Variants in DAB1 observed in about 807,000 individuals in gnomAD.
The protein encoded by DAB1 is disabled homolog 1.
DAB1 carries 15 observed loss-of-function variants against 64.6 expected under a neutral mutation model. That is an observed-to-expected ratio of 0.23 (90% CI 0.16 to 0.36). DAB1 has a LOEUF of 0.36. Ranked by LOEUF, DAB1 falls within the 10% of genes least tolerant of loss-of-function variation. The pLI, the probability that DAB1 is intolerant of heterozygous loss-of-function variation, is 1.00. For missense variants in DAB1, 596 were observed against 706.7 expected, an observed-to-expected ratio of 0.84 and a Z score of 1.78; for synonymous variants, 235 against 251.9, an observed-to-expected ratio of 0.93 and a Z score of 0.64.
At chr1:57,715,747 A>G (rs1557439657) in intron 6 of DAB1, among the ~76,000 whole-genome samples, 1 of 152,168 alleles carries the variant, frequency 6.6e-6, no homozygotes, top group Non-Finnish European at 1.5e-5. Context: ...AAGAATCCCT[A>G]CAATTAAAAC....
intron 2 of DAB1, among the ~76,000 whole-genome samples, chr1:57,245,148 A>G (rs181417317): frequency 2.2e-3 from 331 of 152,300 alleles, no homozygotes; most frequent in Non-Finnish European, 2.9e-3. Context: ...GGAGATGAAG[A>G]ACTTATTGGG....
At chr1:58,474,856 TAA>T (rs1218561570) in intron 3 of DAB1, among the ~76,000 whole-genome samples, 2 of 152,190 alleles carry the variant, frequency 1.3e-5, no homozygotes, top group African/African-American at 4.8e-5. Context: ...GTGACCTCGG[TAA>T]AGTTACACAG....
chr1:57,305,381 C>A (rs867541484), intron 1 of DAB1, among the ~76,000 whole-genome samples: 2 of 152,066 alleles, frequency 1.3e-5, no homozygotes, highest in Non-Finnish European at 2.9e-5. Context: ...TTTTTCTCCT[C>A]AGCCTCCTGC....
chr1:58,349,571 C>T (rs4912332), intron 3 of DAB1, among the ~76,000 whole-genome samples: 75,680 of 151,636 alleles, frequency 0.5, 18,865 homozygotes, highest in East Asian at 0.59. Context: ...AACCCTTCAT[C>T]TACATTAGGC....
intron 4 of DAB1, among the ~76,000 whole-genome samples, chr1:58,158,296 CA>C (rs1180262887): frequency 2.0e-5 from 3 of 152,028 alleles, no homozygotes; most frequent in African/African-American, 4.8e-5. Flanking sequence ...GTTCAGAGCC[CA>C]GGGGGGAAAG....
chr1:57,063,162 T>A (rs1650569420), intron 8 of DAB1, among the ~76,000 whole-genome samples: 1 of 151,934 alleles, frequency 6.6e-6, no homozygotes, highest in Non-Finnish European at 1.5e-5. Context: ...TTAACAAAGG[T>A]TTATAGGTCG....
chr1:57,825,115 T>G (rs74072799), downstream of DAB1, among the ~76,000 whole-genome samples: 1,773 of 152,320 alleles, frequency 0.012, 31 homozygotes, highest in African/African-American at 0.039. Context: ...CCAGTTTCAT[T>G]GAAGATCTTT....
chr1:57,276,341 G>GGA (rs1411791005), intron 2 of DAB1, among the ~76,000 whole-genome samples: 1 of 152,218 alleles, frequency 6.6e-6, no homozygotes, highest in African/African-American at 2.4e-5. Flanking sequence ...GTGAGCAGGA[G>GGA]GAGAAACTGC....
At chr1:57,740,092 T>C (rs1647912280) in intron 6 of DAB1, among the ~76,000 whole-genome samples, 1 of 150,572 alleles carries the variant, frequency 6.6e-6, no homozygotes, top group African/African-American at 2.4e-5. Context: ...CATGCACTTG[T>C]AGTCCCAGCT....
chr1:58,171,517 T>C (rs1451758708), intron 4 of DAB1, among the ~76,000 whole-genome samples: 4 of 152,218 alleles, frequency 2.6e-5, no homozygotes, highest in Non-Finnish European at 1.5e-5. Context: ...TCAACCCCTA[T>C]ACCCTGCTCT....
Position 57,148,732 on chromosome 1 carries a change from T to G in DAB1, c.68-3303A>C, listed in dbSNP as rs549220242. Among the ~76,000 whole-genome samples the G allele has an allele frequency of 2.0e-5, 3 of 152,350 alleles. No homozygotes were observed. In the South Asian group the frequency reaches 6.2e-4, roughly 32 times the overall value. On this transcript the variant is annotated intron_variant, in intron 2 of 14. Coordinates refer to ENST00000371236, the MANE Select transcript of DAB1 (RefSeq NM_001365792.1). ...AAGGGTTTCACACGCAATTTCTCAT[T>G]TAATCTTCACATTTGCTCTTGAGTT...
chr1:58,469,444 T>C (rs1160855050), intron 3 of DAB1, among the ~76,000 whole-genome samples: 1 of 152,106 alleles, frequency 6.6e-6, no homozygotes, highest in East Asian at 1.9e-4. Context: ...ACTATGACAT[T>C]ATTAGGGGAA....
chr1:57,809,658 C>T (rs1361636369), intron 6 of DAB1, among the ~76,000 whole-genome samples: 2 of 152,134 alleles, frequency 1.3e-5, no homozygotes, highest in South Asian at 2.1e-4. Flanking sequence ...GACTGACAGT[C>T]GCCTCCTGAT....
intron 1 of DAB1, chr1:57,880,743 T>C (rs901471022): frequency 1.3e-5 from 2 of 152,244 alleles, no homozygotes; most frequent in Non-Finnish European, 2.9e-5. Context: ...TATTTATGGA[T>C]ACTTGCTCAA....
At chr1:57,958,394 C>T (rs1645440831) in intron 5 of DAB1, among the ~76,000 whole-genome samples, 1 of 152,164 alleles carries the variant, frequency 6.6e-6, no homozygotes, top group Non-Finnish European at 1.5e-5. Context: ...ATATGCCAGA[C>T]ACTGATATAA....
chr1:58,001,112 T>C (rs1646500680), intron 5 of DAB1, among the ~76,000 whole-genome samples: 1 of 151,976 alleles, frequency 6.6e-6, no homozygotes, highest in Non-Finnish European at 1.5e-5. Flanking sequence ...TGTTTTTGTT[T>C]TCTCAATTTT....
intron 2 of DAB1, among the ~76,000 whole-genome samples, chr1:57,252,784 G>A (rs80097317): frequency 0.036 from 5,554 of 152,278 alleles, 101 homozygotes; most frequent in African/African-American, 0.046. Flanking sequence ...AGTCCCTGTC[G>A]ACAGCTGGGA....
At chr1:57,899,625 G>A (rs1043701602) in intron 5 of DAB1, among the ~76,000 whole-genome samples, 17 of 151,796 alleles carry the variant, frequency 1.1e-4, no homozygotes, top group African/African-American at 4.1e-4. Flanking sequence ...ACCACTCACG[G>A]AGAAAGTCAG....
chr1:57,638,495 GTGCTTAGATCTAGCACAAA>G (rs111256711), intron 7 of DAB1, among the ~76,000 whole-genome samples: 5,810 of 152,190 alleles, frequency 0.038, 341 homozygotes, highest in African/African-American at 0.13. Flanking sequence ...CCTTCTCCTA[GTGCTTAGATCTAGCACAAA>G]TGCTGTCATC....
Sources: gnomAD v4.1 joint callset for allele counts (sites outside exome capture counted in the v4.1 genomes callset) on GRCh38, gnomAD v4.1.1 for gene constraint, MANE v1.5 for transcripts, NCBI Gene and HGNC (gene_info 2026-07-23, HGNC 2026-07-21) for gene names.